AP3D1: variants seen among roughly 807,000 people sequenced by gnomAD.
AP3D1 encodes AP-3 complex subunit delta-1.
A neutral mutation model predicts 147.6 loss-of-function variants in AP3D1; 51 were observed. The observed-to-expected ratio is 0.35, with a 90% CI of 0.28 to 0.44. AP3D1 has a LOEUF of 0.44. Among genes scored for constraint, AP3D1 ranks in the 20% least tolerant of loss-of-function variants. AP3D1 has a pLI of 1.00. For missense variants in AP3D1, 1,421 were observed against 1,624.2 expected, an observed-to-expected ratio of 0.87 and a Z score of 2.15; for synonymous variants, 760 against 663.0, an observed-to-expected ratio of 1.15 and a Z score of -2.25.
At chr19:2,115,932 A>C (rs758194935) in intron 18 of AP3D1, among the ~76,000 whole-genome samples, 28 of 152,378 alleles carry the variant, frequency 1.8e-4, no homozygotes, top group Non-Finnish European at 3.2e-4. Flanking sequence ...CCTCAAGCCC[A>C]GAGTGAGGCA....
chr19:2,158,168 G>A lies in AP3D1; in HGVS notation c.-103+6188C>T, dbSNP rs550471058. On this transcript the variant is annotated intron_variant, in intron 1 of 14. Coordinates refer to the AP3D1 transcript ENST00000643010. ...CCTCCTGGGTTCACGCCATTCTCCT[G>A]CCTCAGCCTTTCCAGTAGCTGGGAC... Among the ~76,000 whole-genome samples, 46 of 152,100 alleles carry A rather than the reference G, an allele frequency of 3.0e-4. No homozygotes were observed. The South Asian group carries it at 8.9e-3, about 30-fold the overall frequency.
chr19:2,123,786 C>T (rs766122288), intron 10 of AP3D1, 44 bp downstream of exon 10: 2 of 1,549,996 alleles, frequency 1.3e-6, no homozygotes, highest in African/African-American at 1.4e-5. Context: ...GGTGTGGCCT[C>T]TGCAGTGTGG....
chr19:2,136,348 G>C (rs2019076781), intron 4 of AP3D1, among the ~76,000 whole-genome samples: 1 of 152,188 alleles, frequency 6.6e-6, no homozygotes, highest in African/African-American at 2.4e-5. Flanking sequence ...CAGCCACAGG[G>C]TCCCGCCCTT....
At chr19:2,163,491 C>CT (rs34647490) in intron 1 of AP3D1, among the ~76,000 whole-genome samples, 5,995 of 141,080 alleles carry the variant, frequency 0.042, 170 homozygotes, top group Non-Finnish European at 0.063. Flanking sequence ...CGCGCCTGGC[C>CT]TTTTTTTTTT....
At chr19:2,120,823 T>C (rs1315124291) in intron 14 of AP3D1, 39 bp downstream of exon 14, 2 of 1,581,516 alleles carry the variant, frequency 1.3e-6, no homozygotes, top group Non-Finnish European at 1.7e-6. Flanking sequence ...CTCAGAAGCT[T>C]GGAGAAGCTG....
In AP3D1 at chr19:2,114,167, C is replaced by T. The variant is rs751356125; in HGVS notation, c.2559G>A (p.Glu853=). 1.9e-6 allele frequency: 3 copies of T among 1,584,158 alleles called. No individual in the cohort carries two copies. Among genetic ancestry groups the T allele is most frequent in the Non-Finnish European group, 2.6e-6 (3 of 1,164,562 alleles). The change falls in exon 22 of 32, where the codon GAG becomes GAA. Residue 853 remains glutamate (E), a synonymous_variant. Coordinates refer to ENST00000643116, the MANE Select transcript of AP3D1 (RefSeq NM_001261826.3). ...KPKKKEKKHK[E]KERDKEKKKE... is the part of the protein sequence containing the mutation. ...TCTTCTTCTCCTTGTCTCTCTCTTT[C>T]TCTTTGTGTTTTTTCTCTTTCTTCT...
At chr19:2,153,044 C>A, upstream of AP3D1, among the ~76,000 whole-genome samples, 1 of 139,490 alleles carries the variant, frequency 7.2e-6, no homozygotes, top group Non-Finnish European at 1.5e-5. Flanking sequence ...GCAATATAGT[C>A]AGACACCCAT....
At chr19:2,144,142 C>T (rs563897665) in intron 1 of AP3D1, among the ~76,000 whole-genome samples, 6 of 151,936 alleles carry the variant, frequency 3.9e-5, no homozygotes, top group Middle Eastern at 6.8e-3. Flanking sequence ...GGAAAGGGGA[C>T]GCGCCGGCGA....
chr19:2,132,614 C>A lies in AP3D1; in HGVS notation c.355-36G>T, dbSNP rs371272114. 2.0e-5 allele frequency: 32 copies of A among 1,571,436 alleles called. No individual in the cohort carries two copies. In the African/African-American group the frequency reaches 3.9e-4, roughly 19 times the overall value. ...AGAGAAAGGGGCCGTGGCCAGGATG[C>A]CCTGGGTGGCACATCCGACGCCTGG... On this transcript the variant is annotated intron_variant, in intron 4 of 31. Coordinates refer to ENST00000643116, the MANE Select transcript of AP3D1 (RefSeq NM_001261826.3).
Position 2,118,723 on chromosome 19 carries a change from C to T in AP3D1, c.1591G>A (p.Ala531Thr), listed in dbSNP as rs758018772. ...TGCTCCTTCTGCTGCAGGATGGAGG[C>T]GTAGAGCTTGACCACGTTCTGCACA... is the stretch of plus-strand genomic sequence containing the variant. Reference protein sequence around the residue: ...VYVQNVVKLYASILQQKEQAG... With the variant: ...VYVQNVVKLYTSILQQKEQAG... Residue 531 changes from alanine (A) to threonine (T), a missense_variant, in exon 15 of 32, where the codon GCC becomes ACC. Ala to Thr is a moderately conservative substitution (Grantham distance 58). This residue lies in a region of AP3D1 where 310 missense variants were observed against 388.1 expected (regional missense o/e 0.80). Coordinates refer to ENST00000643116, the MANE Select transcript of AP3D1 (RefSeq NM_001261826.3). 9.3e-6 allele frequency: 15 copies of T among 1,613,540 alleles called. No individual in the cohort carries two copies. In the Admixed American group the frequency reaches 1.8e-4, roughly 20 times the overall value.
chr19:2,139,833 T>C (rs1396638572), intron 1 of AP3D1, among the ~76,000 whole-genome samples: 1 of 152,106 alleles, frequency 6.6e-6, no homozygotes, highest in Non-Finnish European at 1.5e-5. Flanking sequence ...CACGCTTCTG[T>C]CCTCAGCCCC....
At chr19:2,109,525 G>A (rs893683524) in intron 29 of AP3D1, 3 of 485,086 alleles carry the variant, frequency 6.2e-6, no homozygotes, top group Non-Finnish European at 1.1e-5. Context: ...CGCAGAGGAC[G>A]GCCTGTGAGG....
Position 2,137,065 on chromosome 19 carries a change from C to A in AP3D1, c.300G>T (p.Gln100His), listed in dbSNP as rs770850554. The change falls in exon 4 of 32, where the codon CAG becomes CAT. Residue 100 changes from glutamine (Q) to histidine (H), a missense_variant. By Grantham distance (24) the Gln-to-His change is conservative (BLOSUM62 0). Coordinates refer to ENST00000643116, the MANE Select transcript of AP3D1 (RefSeq NM_001261826.3). The part of the protein sequence containing the change: ...FKRIGYLAAS[Q>H]SFHEGTDVIM... ...TGACGTCGGTGCCTTCGTGAAAGCTCTGGGAAGCAGCGAGGTAGCCAATTC... is the reference window on the plus strand; with the variant it reads ...TGACGTCGGTGCCTTCGTGAAAGCTATGGGAAGCAGCGAGGTAGCCAATTC... The A allele has an allele frequency of 1.9e-6, 3 of 1,594,702 alleles. No homozygotes were observed. Among genetic ancestry groups the A allele is most frequent in the Non-Finnish European group, 1.7e-6 (2 of 1,170,880 alleles).
At chr19:2,144,335 T>C (rs999779681) in intron 1 of AP3D1, among the ~76,000 whole-genome samples, 1 of 152,162 alleles carries the variant, frequency 6.6e-6, no homozygotes, top group African/African-American at 2.4e-5. Context: ...GTGGACAGGC[T>C]CAACGCCCTC....
intron 4 of AP3D1, among the ~76,000 whole-genome samples, chr19:2,134,910 A>T (rs896906601): frequency 6.6e-6 from 1 of 151,412 alleles, no homozygotes; most frequent in Admixed American, 6.6e-5. Context: ...CCAGGAAATA[A>T]TTTTTTTTAT....
chr19:2,125,114 A>G (rs2018716855), intron 9 of AP3D1, among the ~76,000 whole-genome samples: 1 of 152,206 alleles, frequency 6.6e-6, no homozygotes, highest in Non-Finnish European at 1.5e-5. Flanking sequence ...AATACCACCA[A>G]ATGCCGCCCA....
chr19:2,106,959 G>A (rs2018126946), intron 31 of AP3D1, among the ~76,000 whole-genome samples: 1 of 152,170 alleles, frequency 6.6e-6, no homozygotes, highest in East Asian at 1.9e-4. Context: ...TGAACATTAG[G>A]AATGAAAAGA....
At chr19:2,134,278 A>C (rs1337904752) in intron 4 of AP3D1, among the ~76,000 whole-genome samples, 1 of 151,900 alleles carries the variant, frequency 6.6e-6, no homozygotes, top group Non-Finnish European at 1.5e-5. Context: ...AAAATCAGCC[A>C]GGTGTGGTGG....
At position 2,101,233 on chromosome 19, in the gene AP3D1, C is replaced by T. The variant is rs1381092014; in HGVS notation, c.*940G>A. ...CTCTGAAGAAGGGTCAGTCCTGTGC[C>T]CACGCTGGCCGTGGGGAGTGAGCGG... On this transcript the variant is annotated 3_prime_UTR_variant, in exon 32 of 32. Coordinates refer to ENST00000643116, the MANE Select transcript of AP3D1 (RefSeq NM_001261826.3). The T allele has an allele frequency of 6.6e-6, 1 of 152,488 alleles. No homozygotes were observed. The highest frequency in any genetic ancestry group is 1.9e-4 in the East Asian group (1 of 5,190). The allele number at this position is 152,488 out of a possible 1,614,324, so 9.4% of individuals were successfully genotyped here.
Sources: allele counts gnomAD v4.1 joint callset (sites outside exome capture counted in the v4.1 genomes callset), GRCh38; gene constraint gnomAD v4.1.1; regional missense constraint gnomAD v4.1.1; transcripts MANE v1.5; gene names NCBI Gene and HGNC (gene_info 2026-07-23, HGNC 2026-07-21).